STAC2: variants seen among roughly 807,000 people sequenced by gnomAD.
STAC2 encodes SH3 and cysteine rich domain 2.
A neutral mutation model predicts 49.0 loss-of-function variants in STAC2; 36 were observed. That is an observed-to-expected ratio of 0.74 (90% CI 0.56 to 0.97). The LOEUF (loss-of-function observed/expected upper bound fraction) is 0.97, where lower values mean the gene tolerates loss of function less well. STAC2 is among the 50% of genes least tolerant of loss of function. The pLI, the probability that STAC2 is intolerant of heterozygous loss-of-function variation, is 0.00. For synonymous variants in STAC2, 239 were observed against 214.7 expected, an observed-to-expected ratio of 1.11 and a Z score of -0.99; for missense variants, 527 against 543.8, an observed-to-expected ratio of 0.97 and a Z score of 0.31.
intron 1 of STAC2, among the ~76,000 whole-genome samples, chr17:39,224,767 C>A (rs1460998128): frequency 3.9e-5 from 6 of 152,182 alleles, no homozygotes; most frequent in Non-Finnish European, 7.4e-5. Flanking sequence ...AGGCCCCCGT[C>A]CTCGCCCGTG....
chr17:39,220,008 G>A (rs73983270), intron 1 of STAC2, among the ~76,000 whole-genome samples: 1 of 152,344 alleles, frequency 6.6e-6, no homozygotes, highest in African/African-American at 2.4e-5. Context: ...GACAGAGGGG[G>A]AAGCAGAGGG....
chr17:39,215,680 C>G (rs2046395736), intron 4 of STAC2, among the ~76,000 whole-genome samples: 2 of 152,160 alleles, frequency 1.3e-5, no homozygotes, highest in South Asian at 4.1e-4. Context: ...AAAATGGACC[C>G]CAAGGCCTCG....
At chr17:39,216,675 T>G (rs1207290755) in intron 4 of STAC2, 135 bp downstream of exon 4, 2 of 757,424 alleles carry the variant, frequency 2.6e-6, no homozygotes, top group South Asian at 3.7e-5. Context: ...TGATCTTGGC[T>G]CACTGCAACC....
intron 4 of STAC2, among the ~76,000 whole-genome samples, chr17:39,216,319 C>G (rs777661046): frequency 2.0e-5 from 3 of 152,210 alleles, no homozygotes; most frequent in Non-Finnish European, 4.4e-5. Flanking sequence ...TTATCTTCCC[C>G]ACTTAAGGCG....
intron 1 of STAC2, 133 bp from the exon 2 acceptor site, chr17:39,218,306 G>A: frequency 1.1e-6 from 1 of 916,230 alleles, no homozygotes; most frequent in East Asian, 2.5e-5. Context: ...GAGGGCCAGA[G>A]CGAAATGAAA....
At position 39,217,937 on chromosome 17, in the gene STAC2, C is replaced by T. The variant is rs928907840; in HGVS notation, c.327G>A (p.Arg109=). ...PRPLAALKPV[R]LHSFQEHVFK... ...AGACATGTTCCTGGAAGCTGTGCAG[C>T]CTCACTGGTTTGAGCGCTGCCAGGG... Residue 109 remains arginine, a synonymous_variant, in exon 2 of 11, where the codon AGG becomes AGA. Transcript: ENST00000333461. The T allele has an allele frequency of 2.5e-6, 4 of 1,603,328 alleles. No homozygotes were observed. Among genetic ancestry groups the T allele is most frequent in the African/African-American group, 2.7e-5 (2 of 74,762 alleles).
At chr17:39,216,724 C>T in intron 4 of STAC2, 86 bp downstream of exon 4, 4 of 1,312,228 alleles carry the variant, frequency 3.0e-6, no homozygotes, top group Non-Finnish European at 3.2e-6. Context: ...GACGGGGTTT[C>T]ACTGTGTTGG....
intron 2 of STAC2, 136 bp from the exon 3 acceptor site, chr17:39,217,309 C>CCCTG: frequency 1.3e-6 from 1 of 780,978 alleles, no homozygotes; most frequent in Non-Finnish European, 2.1e-6. Flanking sequence ...ACCCCTCACA[C>CCCTG]AGTCAGGGTA....
rs1355264959 is a variant in STAC2 at position 39,211,218 on chromosome 17, C to G, written c.*1074G>C. On this transcript the variant is annotated 3_prime_UTR_variant, in exon 11 of 11. Transcript: ENST00000333461. ...GAAATGGGTTTGCTTTGACCAAGCA[C>G]GGGCCAGGATTTTGTTCTCAGTTGG... 6.6e-6 allele frequency: 1 copy of G among 151,872 alleles called. No homozygotes were observed. The highest frequency in any genetic ancestry group is 2.4e-5 in the African/African-American group (1 of 41,272). The allele number at this position is 151,872 out of a possible 1,614,324, so 9.4% of individuals were successfully genotyped here.
At chr17:39,217,513 C>T (rs545172950) in intron 2 of STAC2, among the ~76,000 whole-genome samples, 2 of 152,136 alleles carry the variant, frequency 1.3e-5, no homozygotes, top group South Asian at 4.2e-4. Context: ...TGCTTGAGCC[C>T]AGGGTTTGAC....
In STAC2 at chr17:39,217,179, A is replaced by G. The variant is rs1567830861; in HGVS notation, c.398-6T>C. The G allele has an allele frequency of 1.2e-6, 2 of 1,612,392 alleles. No homozygotes were observed. The highest frequency in any genetic ancestry group is 8.5e-7 in the Non-Finnish European group (1 of 1,179,328). Reference sequence around the variant, plus strand: ...CAAGCCCTGTTTGGAGTTTCCTAGGAAGAATTTGGGTTCAGCAATTGAGGA... The same window carrying G: ...CAAGCCCTGTTTGGAGTTTCCTAGGGAGAATTTGGGTTCAGCAATTGAGGA... On this transcript the variant is annotated splice_polypyrimidine_tract_variant and splice_region_variant and intron_variant, in intron 2 of 10. Transcript: ENST00000333461.
intron 10 of STAC2, 53 bp from the exon 11 acceptor site, chr17:39,212,449 C>A: frequency 6.9e-7 from 1 of 1,447,346 alleles, no homozygotes; most frequent in Non-Finnish European, 9.6e-7. Context: ...AGCCCTGGCC[C>A]TGAGTCCTGC....
In STAC2 at chr17:39,225,577, C is replaced by A; in HGVS notation, c.-75G>T. On this transcript the variant is annotated 5_prime_UTR_variant, in exon 1 of 11. Transcript: ENST00000333461. This position sits in a 1 kb window ranked among gnomAD's most constrained non-coding sequence, Gnocchi z 8.2. Reference sequence around the variant, plus strand: ...CCGCGGGCAGGCTGCGGGTGGCGGGCGTCTCCGGGACTCTGAAGCCGTTCT... The same window carrying A: ...CCGCGGGCAGGCTGCGGGTGGCGGGAGTCTCCGGGACTCTGAAGCCGTTCT... The A allele has an allele frequency of 7.1e-7, 1 of 1,413,498 alleles. No homozygotes were observed. 87.6% of individuals were successfully genotyped at this position (1,413,498 alleles called of 1,614,324 possible).
chr17:39,221,840 T>C (rs1349535158), intron 1 of STAC2, among the ~76,000 whole-genome samples: 1 of 152,142 alleles, frequency 6.6e-6, no homozygotes, highest in Non-Finnish European at 1.5e-5. Flanking sequence ...ACAAGGTCAA[T>C]CAGAGAGTTT....
chr17:39,219,161 T>C (rs1370320318), intron 1 of STAC2, among the ~76,000 whole-genome samples: 1 of 152,142 alleles, frequency 6.6e-6, no homozygotes, highest in Admixed American at 6.6e-5. Flanking sequence ...TCCAAGGCTC[T>C]CGCCCCAGCC....
chr17:39,218,913 G>A (rs768491479), intron 1 of STAC2, among the ~76,000 whole-genome samples: 3 of 152,008 alleles, frequency 2.0e-5, no homozygotes, highest in Non-Finnish European at 4.4e-5. Flanking sequence ...GGTGAGGAGT[G>A]GTCGTCCTGG....
chr17:39,213,698 A>G (rs1409068785), intron 8 of STAC2, 140 bp from the exon 9 acceptor site: 13 of 688,724 alleles, frequency 1.9e-5, no homozygotes, highest in Non-Finnish European at 3.0e-5. Context: ...TTTTTTTAAG[A>G]TAGACTCTCA....
intron 4 of STAC2, among the ~76,000 whole-genome samples, chr17:39,215,596 G>A (rs57691036): frequency 0.1 from 15,535 of 152,222 alleles, 2,542 homozygotes; most frequent in African/African-American, 0.34. Flanking sequence ...AGCCCTGCCA[G>A]TCCACACAGC....
chr17:39,212,315 C>CTGGCACCAGGCCCCGCTTCT lies in STAC2; in HGVS notation c.1193_1212dup (p.Val405ArgfsTer11). ...TCTCAGATCTCAGTCAGGGCGTCGA[C>CTGGCACCAGGCCCCGCTTCT]TGGCACCAGGCCCCGCTTCTTGCCA... On this transcript the variant is annotated frameshift_variant, in exon 11 of 11. Coordinates refer to ENST00000333461, the MANE Select transcript of STAC2 (RefSeq NM_198993.5). LOFTEE classifies it high-confidence loss of function. 6.2e-7 allele frequency: 1 copy of CTGGCACCAGGCCCCGCTTCT among 1,611,648 alleles called. No individual in the cohort carries two copies.
Sources: allele counts gnomAD v4.1 joint callset (sites outside exome capture counted in the v4.1 genomes callset), GRCh38; gene constraint gnomAD v4.1.1; non-coding constraint Gnocchi (gnomAD v3.1); transcripts MANE v1.5; gene names NCBI Gene and HGNC (gene_info 2026-07-23, HGNC 2026-07-21).